Variants in RMST observed in about 807,000 individuals in gnomAD.
RMST encodes long intergenic non-protein coding RNA 54.
chr12:97,550,898 G>A (rs1219900488), intron 11 of RMST, among the ~76,000 whole-genome samples: 1 of 152,138 alleles, frequency 6.6e-6, no homozygotes, highest in African/African-American at 2.4e-5. Flanking sequence ...GGTGAATAGA[G>A]CACTGACTCT....
chr12:97,523,844 G>A (rs1330552616), intron 10 of RMST, among the ~76,000 whole-genome samples: 1 of 151,934 alleles, frequency 6.6e-6, no homozygotes, highest in African/African-American at 2.4e-5. Context: ...TTGGGAGGTC[G>A]AGGCGGGCGG....
At chr12:97,504,402 T>G (rs1878437301) in intron 10 of RMST, among the ~76,000 whole-genome samples, 1 of 125,232 alleles carries the variant, frequency 8.0e-6, no homozygotes, top group Non-Finnish European at 1.6e-5. Context: ...AGACTTCATT[T>G]CAAAAAAAAA....
intron 11 of RMST, among the ~76,000 whole-genome samples, chr12:97,552,482 G>A (rs541045865): frequency 6.6e-6 from 1 of 152,226 alleles, no homozygotes; most frequent in African/African-American, 2.4e-5. Context: ...TCCCTTGATT[G>A]GGAATTGGAC....
chr12:97,512,701 C>T (rs1879496751), intron 10 of RMST, among the ~76,000 whole-genome samples: 1 of 152,262 alleles, frequency 6.6e-6, no homozygotes, highest in South Asian at 2.1e-4. Flanking sequence ...CCCCACCAGA[C>T]TCAGGAGCCC....
intron 8 of RMST, chr12:97,494,689 T>G (rs1183691658): frequency 6.6e-6 from 1 of 152,208 alleles, no homozygotes; most frequent in Non-Finnish European, 1.5e-5. Context: ...TATTCTGAAC[T>G]TTCAGACTGG....
At chr12:97,507,072 C>A (rs1878767056) in intron 10 of RMST, among the ~76,000 whole-genome samples, 1 of 151,872 alleles carries the variant, frequency 6.6e-6, no homozygotes, top group African/African-American at 2.4e-5. Flanking sequence ...TCTGAGTGTA[C>A]ATGTATGTGA....
At chr12:97,477,265 G>A (rs1428951167) in intron 5 of RMST, among the ~76,000 whole-genome samples, 1 of 152,120 alleles carries the variant, frequency 6.6e-6, no homozygotes, top group African/African-American at 2.4e-5. Flanking sequence ...TAGATGTGGT[G>A]AGGTCCATGG....
chr12:97,550,992 C>CACTT (rs755412071), intron 11 of RMST, among the ~76,000 whole-genome samples: 137 of 152,042 alleles, frequency 9.0e-4, no homozygotes, highest in Non-Finnish European at 9.6e-4. Context: ...TAGAAGAGAA[C>CACTT]ACTTAACTAA....
chr12:97,544,467 A>T (rs1882787634), intron 11 of RMST, among the ~76,000 whole-genome samples: 1 of 152,002 alleles, frequency 6.6e-6, no homozygotes, highest in African/African-American at 2.4e-5. Flanking sequence ...TCAACTCTAG[A>T]CACATAGGTA....
At chr12:97,536,389 T>C (rs927394764) in intron 11 of RMST, among the ~76,000 whole-genome samples, 17 of 151,528 alleles carry the variant, frequency 1.1e-4, no homozygotes, top group Admixed American at 1.1e-3. Context: ...TCTGCAAAAT[T>C]AGACCAGGTG....
At chr12:97,475,176 GT>G (rs1269007832) in intron 5 of RMST, among the ~76,000 whole-genome samples, 2 of 152,096 alleles carry the variant, frequency 1.3e-5, no homozygotes, top group Non-Finnish European at 2.9e-5. Context: ...TCAGGTGCAT[GT>G]TTACTTTTCT....
chr12:97,520,178 C>T (rs1045064375), intron 10 of RMST, among the ~76,000 whole-genome samples: 1 of 152,174 alleles, frequency 6.6e-6, no homozygotes, highest in Non-Finnish European at 1.5e-5. Context: ...TTAAAGCTAA[C>T]AATTTAGTAC....
intron 10 of RMST, among the ~76,000 whole-genome samples, chr12:97,527,961 A>T (rs1395365485): frequency 6.6e-6 from 1 of 152,270 alleles, no homozygotes; most frequent in East Asian, 1.9e-4. Context: ...ATAATAAAAA[A>T]TAATAACTAA....
intron 5 of RMST, among the ~76,000 whole-genome samples, chr12:97,468,432 T>C (rs12580551): frequency 0.18 from 27,946 of 152,010 alleles, 3,329 homozygotes; most frequent in East Asian, 0.48. Context: ...CACTGTATAT[T>C]GTACAAAACC....
At chr12:97,539,460 G>A (rs550643467) in intron 11 of RMST, among the ~76,000 whole-genome samples, 5 of 151,540 alleles carry the variant, frequency 3.3e-5, no homozygotes, top group African/African-American at 1.2e-4. Flanking sequence ...GATTTGTCAG[G>A]TATGTTTATT....
chr12:97,480,336 C>T (rs1424940828), intron 5 of RMST, among the ~76,000 whole-genome samples: 1 of 152,022 alleles, frequency 6.6e-6, no homozygotes, highest in Non-Finnish European at 1.5e-5. Context: ...GTGATCTGCC[C>T]GCCTCAGCCT....
chr12:97,482,515 G>A (rs58618155), intron 5 of RMST, among the ~76,000 whole-genome samples: 11,326 of 151,262 alleles, frequency 0.075, 725 homozygotes, highest in East Asian at 0.16. Flanking sequence ...CTTTACTTCC[G>A]TCACGAGTAA....
intron 10 of RMST, among the ~76,000 whole-genome samples, chr12:97,499,206 C>A (rs1014445612): frequency 1.4e-4 from 22 of 152,154 alleles, no homozygotes; most frequent in Admixed American, 7.2e-4. Context: ...ATCCTTTGAA[C>A]ATTTTTTCCT....
chr12:97,465,430 A>G (rs1873068576), intron 4 of RMST, among the ~76,000 whole-genome samples: 1 of 152,176 alleles, frequency 6.6e-6, no homozygotes, highest in Non-Finnish European at 1.5e-5. Context: ...GCTATGGAGT[A>G]CACAGCCTTG....
Sources: gnomAD v4.1 joint callset for allele counts (sites outside exome capture counted in the v4.1 genomes callset) on GRCh38, gnomAD v4.1.1 for gene constraint, MANE v1.5 for transcripts, NCBI Gene and HGNC (gene_info 2026-07-23, HGNC 2026-07-21) for gene names.